The following NDUFAF5 variants were observed in gnomAD, a reference collection of about 807,000 sequenced individuals.
The protein encoded by NDUFAF5 is NADH:ubiquinone oxidoreductase complex assembly factor 5, also known as arginine-hydroxylase NDUFAF5, mitochondrial.
NDUFAF5 carries 34 observed loss-of-function variants against 48.9 expected under a neutral mutation model. The ratio of observed to expected loss-of-function variants is 0.70; its 90% CI spans 0.53 to 0.93. The LOEUF (loss-of-function observed/expected upper bound fraction) is 0.93, where lower values mean the gene tolerates loss of function less well. NDUFAF5 is among the 40% of genes least tolerant of loss of function. The pLI is 0.00. For missense variants in NDUFAF5, 428 were observed against 427.5 expected (o/e 1.00, Z -0.01); for synonymous variants, 153 against 150.6 (o/e 1.02, Z -0.12).
intron 7 of NDUFAF5, chr20:13,801,959 A>C (rs1026017826): frequency 2.7e-6 from 1 of 376,936 alleles, no homozygotes; most frequent in Non-Finnish European, 4.9e-6. Flanking sequence ...CTAAACATAC[A>C]ACTCCATTAG....
Position 13,807,811 on chromosome 20 carries a change from C to T in NDUFAF5, c.718-1031C>T, listed in dbSNP as rs568709713. On this transcript the variant is annotated intron_variant, in intron 7 of 10. Coordinates refer to ENST00000378106, the MANE Select transcript of NDUFAF5 (RefSeq NM_024120.5). The stretch of plus-strand genomic sequence containing the variant: ...ACAAAAAAAAAAAATTAGCTGGGCA[C>T]GGTGGCAGGCGCCTGTAATCCCAGC... Among the ~76,000 whole-genome samples the T allele has an allele frequency of 1.8e-4, 28 of 151,732 alleles. No homozygotes were observed. The South Asian group carries it at 3.7e-3, about 20-fold the overall frequency.
At chr20:13,814,458 C>T in intron 8 of NDUFAF5, 1 of 1,289,090 alleles carries the variant, frequency 7.8e-7, no homozygotes, top group South Asian at 1.2e-5. Context: ...ACAAAACAAG[C>T]TGCATATCAG....
Position 13,788,608 on chromosome 20 carries a change from G to T in NDUFAF5, c.283G>T (p.Asp95Tyr). Residue 95 changes from aspartate to tyrosine, a missense_variant, in exon 3 of 11, where the codon GAT becomes TAT. Asp to Tyr is a radical substitution (Grantham distance 160). Coordinates refer to ENST00000378106, the MANE Select transcript of NDUFAF5 (RefSeq NM_024120.5). ...TTTTAGAAATTTCCCCCTTGCTTTGGATCTTGGTTGTGGAAGAGGTTACAT... is the reference window on the plus strand; with the variant it reads ...TTTTAGAAATTTCCCCCTTGCTTTGTATCTTGGTTGTGGAAGAGGTTACAT... ...DIPRNFPLAL[D>Y]LGCGRGYIAQ... 1 of 1,612,184 alleles carries T rather than the reference G, an allele frequency of 6.2e-7. No homozygotes were observed. The highest frequency in any genetic ancestry group is 1.3e-5 in the African/African-American group (1 of 74,966).
In NDUFAF5 at chr20:13,788,592, T is replaced by C. The variant is rs1245026379; in HGVS notation, c.267T>C (p.Asn89=). Residue 89 remains asparagine, a synonymous_variant, in exon 3 of 11, where the codon AAT becomes AAC. Transcript: ENST00000378106. ...ACCTCTGTGTCTTTTTTTTTAGAAA[T>C]TTCCCCCTTGCTTTGGATCTTGGTT... ...IADRVYDIPR[N]FPLALDLGCG... 1.2e-6 allele frequency: 2 copies of C among 1,610,270 alleles called. No homozygotes were observed. Among genetic ancestry groups the C allele is most frequent in the Non-Finnish European group, 8.5e-7 (1 of 1,176,568 alleles).
intron 7 of NDUFAF5, among the ~76,000 whole-genome samples, chr20:13,806,927 G>C (rs897829786): frequency 6.6e-6 from 1 of 152,024 alleles, no homozygotes; most frequent in African/African-American, 2.4e-5. Context: ...TGTTGCCCAG[G>C]CTAGAGTGCA....
intron 8 of NDUFAF5, among the ~76,000 whole-genome samples, chr20:13,814,730 A>G (rs1986265224): frequency 6.6e-6 from 1 of 152,182 alleles, no homozygotes; most frequent in Non-Finnish European, 1.5e-5. Flanking sequence ...TCTTCAGTAG[A>G]GGTCCCCCAT....
At chr20:13,816,113 A>G in intron 8 of NDUFAF5, 1 of 372,868 alleles carries the variant, frequency 2.7e-6, no homozygotes, top group Non-Finnish European at 5.2e-6. Context: ...ATGAGATGTG[A>G]CATCCTTGGT....
intron 8 of NDUFAF5, chr20:13,813,969 A>G (rs898738303): frequency 6.3e-6 from 1 of 159,742 alleles, no homozygotes; most frequent in African/African-American, 2.4e-5. Flanking sequence ...AATGAGATAC[A>G]TTTGTGTGTG....
At chr20:13,811,734 C>T (rs1985893456) in intron 8 of NDUFAF5, among the ~76,000 whole-genome samples, 1 of 152,154 alleles carries the variant, frequency 6.6e-6, no homozygotes, top group Non-Finnish European at 1.5e-5. Context: ...GAAAGGGATG[C>T]TGGAGAAGCA....
chr20:13,808,619 T>C (rs751208722), intron 7 of NDUFAF5, among the ~76,000 whole-genome samples: 1 of 152,152 alleles, frequency 6.6e-6, no homozygotes, highest in Non-Finnish European at 1.5e-5. Flanking sequence ...CTAGAACCAA[T>C]GATGGAGTTT....
At chr20:13,790,224 G>T (rs1982048361) in intron 3 of NDUFAF5, among the ~76,000 whole-genome samples, 1 of 152,198 alleles carries the variant, frequency 6.6e-6, no homozygotes, top group African/African-American at 2.4e-5. Context: ...TGCCACCCAT[G>T]CAGAGCCAGC....
rs1194442023 is a variant in NDUFAF5, at chr20:13,818,447, T to G, written c.*1237T>G. 1.8e-5 allele frequency: 6 copies of G among 338,758 alleles called. No homozygotes were observed. The highest frequency in any genetic ancestry group is 1.6e-4 in the East Asian group (2 of 12,644). The allele number at this position is 338,758 out of a possible 1,614,324, so 21.0% of individuals were successfully genotyped here. A position where few individuals can be genotyped will look rare whatever the true frequency, so the allele number is the denominator to read the frequency against. On this transcript the variant is annotated 3_prime_UTR_variant, in exon 11 of 11. Transcript: ENST00000378106. ...TTTGGCGTTTTGTTTTTTGGGGTTT[T>G]TTTTTTTTTTAGCTTAATTTTCAGA...
At chr20:13,816,144 A>G in intron 8 of NDUFAF5, 1 of 407,568 alleles carries the variant, frequency 2.5e-6, no homozygotes. Flanking sequence ...CCAATTGCTG[A>G]CAACTCACCT....
intron 3 of NDUFAF5, among the ~76,000 whole-genome samples, chr20:13,788,922 TC>T: frequency 6.6e-6 from 1 of 152,290 alleles, no homozygotes; most frequent in African/African-American, 2.4e-5. Context: ...TTCTCTTTGT[TC>T]ACATTTTTTT....
chr20:13,806,413 G>A (rs1985013097), intron 7 of NDUFAF5, among the ~76,000 whole-genome samples: 1 of 152,146 alleles, frequency 6.6e-6, no homozygotes, highest in Admixed American at 6.5e-5. Context: ...GGAGGCTGAG[G>A]CAGTAGAATA....
At chr20:13,816,835 C>A in intron 9 of NDUFAF5, 40 bp from the exon 10 acceptor site, 1 of 1,412,274 alleles carries the variant, frequency 7.1e-7, no homozygotes, top group Non-Finnish European at 1.0e-6. Flanking sequence ...TTTTTTCCTA[C>A]TTGCATTTTT....
rs1160261296 is a variant in NDUFAF5, at chr20:13,787,891, GT to G, written c.263+550del. Reference sequence around the variant, plus strand: ...AAAATTTTAAGTTTTCTTATTATAGGTTTTTTTTTTTAAACCTATGGCCTAC... The same window carrying G: ...AAAATTTTAAGTTTTCTTATTATAGGTTTTTTTTTTAAACCTATGGCCTAC... On this transcript the variant is annotated intron_variant, in intron 2 of 10. Coordinates refer to ENST00000378106, the MANE Select transcript of NDUFAF5 (RefSeq NM_024120.5). Among the ~76,000 whole-genome samples the G allele has an allele frequency of 4.5e-3, 664 of 147,430 alleles. 3 individuals are homozygous for G. Among genetic ancestry groups the G allele is most frequent in the African/African-American group, 0.015 (612 of 40,452 alleles).
rs1005380543 is a variant in NDUFAF5 at position 13,819,296 on chromosome 20, T to G, written c.*2086T>G. 5.3e-5 allele frequency: 8 copies of G among 152,242 alleles called. No homozygotes were observed. The highest frequency in any genetic ancestry group is 1.9e-4 in the African/African-American group (8 of 41,466). 9.4% of individuals were successfully genotyped at this position (152,242 alleles called of 1,614,324 possible). On this transcript the variant is annotated 3_prime_UTR_variant, in exon 11 of 11. Transcript: ENST00000378106. Reference sequence around the variant, plus strand: ...TTTTAAAAGGTCTTTATCAAAAATTTTTCATAAATGTTACATTCTTAAATG... The same window carrying G: ...TTTTAAAAGGTCTTTATCAAAAATTGTTCATAAATGTTACATTCTTAAATG...
At chr20:13,805,713 A>C (rs1385104601) in intron 7 of NDUFAF5, among the ~76,000 whole-genome samples, 1 of 152,026 alleles carries the variant, frequency 6.6e-6, no homozygotes, top group African/African-American at 2.4e-5. Context: ...CCTAGGTCAG[A>C]GAATCACTTC....
Sources: allele counts gnomAD v4.1 joint callset (sites outside exome capture counted in the v4.1 genomes callset), GRCh38; gene constraint gnomAD v4.1.1; transcripts MANE v1.5; gene names NCBI Gene and HGNC (gene_info 2026-07-23, HGNC 2026-07-21).